Variants in RBFOX1 observed in about 807,000 individuals in gnomAD.
RBFOX1 encodes RNA binding fox-1 homolog 1, also known as RNA binding protein fox-1 homolog 1.
Under a neutral mutation model 57.7 loss-of-function variants are expected in RBFOX1, and 8 were observed. The ratio of observed to expected loss-of-function variants is 0.14; its 90% CI spans 0.08 to 0.25. The LOEUF (loss-of-function observed/expected upper bound fraction) is 0.25. Among genes scored for constraint, RBFOX1 ranks in the 10% least tolerant of loss-of-function variants. RBFOX1 has a pLI of 1.00. For missense variants in RBFOX1, 611 were observed against 548.5 expected (o/e 1.11, Z -1.14); for synonymous variants, 326 against 222.4 (o/e 1.47, Z -4.15).
chr16:5,787,222 A>T (rs1194107624), intron 3 of RBFOX1, among the ~76,000 whole-genome samples: 1 of 152,166 alleles, frequency 6.6e-6, no homozygotes, highest in Non-Finnish European at 1.5e-5. Context: ...TTTCACTGGG[A>T]GAAAAGGGAA....
At chr16:7,442,500 AGT>A (rs1356590917) in intron 4 of RBFOX1, among the ~76,000 whole-genome samples, 1 of 152,096 alleles carries the variant, frequency 6.6e-6, no homozygotes, top group Non-Finnish European at 1.5e-5. Flanking sequence ...GGGAGGTGAG[AGT>A]GAATAAAAAT....
intron 3 of RBFOX1, among the ~76,000 whole-genome samples, chr16:6,943,994 T>C (rs2079020838): frequency 6.6e-6 from 1 of 152,162 alleles, no homozygotes; most frequent in African/African-American, 2.4e-5. Flanking sequence ...AACTGTTCAT[T>C]GCTCAAACTC....
chr16:7,138,756 C>G (rs947012970), intron 4 of RBFOX1, among the ~76,000 whole-genome samples: 2 of 152,136 alleles, frequency 1.3e-5, no homozygotes, highest in African/African-American at 4.8e-5. Flanking sequence ...GAATATTTCA[C>G]TAAAACAAGG....
chr16:5,286,301 G>A (rs1253902745), intron 1 of RBFOX1, among the ~76,000 whole-genome samples: 1 of 152,132 alleles, frequency 6.6e-6, no homozygotes, highest in African/African-American at 2.4e-5. Context: ...AGGTGGGCAG[G>A]TGCACCATTG....
intron 3 of RBFOX1, among the ~76,000 whole-genome samples, chr16:5,783,677 T>A (rs1228414818): frequency 6.6e-6 from 1 of 152,232 alleles, no homozygotes; most frequent in Admixed American, 6.5e-5. Flanking sequence ...TTCCCTTGTT[T>A]CCATGGAATG....
chr16:5,902,480 C>G (rs542233223), intron 4 of RBFOX1, among the ~76,000 whole-genome samples: 128 of 152,236 alleles, frequency 8.4e-4, no homozygotes, highest in Non-Finnish European at 1.3e-3. Flanking sequence ...GTGATGCCAT[C>G]TTGGCTTACT....
chr16:6,760,676 C>G (rs533744096), intron 3 of RBFOX1, among the ~76,000 whole-genome samples: 6 of 152,270 alleles, frequency 3.9e-5, no homozygotes, highest in African/African-American at 1.4e-4. Context: ...TCCAATCTTT[C>G]CCTTTCTCTG....
intron 1 of RBFOX1, among the ~76,000 whole-genome samples, chr16:5,339,470 G>GTTTTTT (rs560472298): frequency 0.089 from 3,629 of 40,790 alleles, 1,158 homozygotes; most frequent in Non-Finnish European, 0.13. Context: ...CTTTTTCCGT[G>GTTTTTT]TTTTTTTTTT....
chr16:5,378,880 G>T (rs2066058947), intron 1 of RBFOX1, among the ~76,000 whole-genome samples: 1 of 151,542 alleles, frequency 6.6e-6, no homozygotes, highest in Admixed American at 6.6e-5. Context: ...GGATTAGGCA[G>T]AGTAGACTGT....
chr16:6,406,509 T>G (rs1027350087), intron 2 of RBFOX1, among the ~76,000 whole-genome samples: 1 of 152,200 alleles, frequency 6.6e-6, no homozygotes, highest in Non-Finnish European at 1.5e-5. Flanking sequence ...ATAATACCTT[T>G]AGGGTTATTT....
In RBFOX1 at chr16:5,424,984, T is replaced by TTTCTTTCTTTC. The variant is rs200482050; in HGVS notation, c.220-42230_220-42229insCTTTCTTTCTT. Among the ~76,000 whole-genome samples, 39 of 68,958 alleles carry TTTCTTTCTTTC rather than the reference T, an allele frequency of 5.7e-4. 3 individuals are homozygous for TTTCTTTCTTTC. Among genetic ancestry groups the TTTCTTTCTTTC allele is most frequent in the African/African-American group, 2.4e-3 (38 of 15,592 alleles). 45.2% of individuals were successfully genotyped at this position (68,958 alleles called of 152,430 possible). ...TCTTTCTCTTTCTTTCTTTCTTTTC[T>TTTCTTTCTTTC]TTTCTTTTCTTTTCTTTTCTTTTCT... On this transcript the variant is annotated intron_variant, in intron 1 of 2. Coordinates refer to the RBFOX1 transcript ENST00000585867.
chr16:5,522,698 C>A (rs2151747538), intron 2 of RBFOX1, among the ~76,000 whole-genome samples: 1 of 152,330 alleles, frequency 6.6e-6, no homozygotes, highest in East Asian at 1.9e-4. Flanking sequence ...CTCACCCAGA[C>A]ACAACCTTCC....
chr16:5,667,618 G>A (rs1244492708), intron 3 of RBFOX1, among the ~76,000 whole-genome samples: 4 of 152,064 alleles, frequency 2.6e-5, no homozygotes, highest in Admixed American at 6.6e-5. Context: ...TTGTATATTC[G>A]GGTTGAACAA....
chr16:5,290,930 T>C (rs1168597914), intron 1 of RBFOX1, among the ~76,000 whole-genome samples: 1 of 152,066 alleles, frequency 6.6e-6, no homozygotes, highest in Non-Finnish European at 1.5e-5. Flanking sequence ...AACTCCTGGA[T>C]CTCAGGTGAT....
chr16:6,779,721 A>T (rs1156639651), intron 3 of RBFOX1, among the ~76,000 whole-genome samples: 8 of 96,500 alleles, frequency 8.3e-5, no homozygotes, highest in African/African-American at 3.0e-4. Context: ...TTATATATAT[A>T]TTTATATATT....
chr16:7,025,483 A>G (rs116702774), intron 3 of RBFOX1, among the ~76,000 whole-genome samples: 2,229 of 152,264 alleles, frequency 0.015, 59 homozygotes, highest in African/African-American at 0.051. Context: ...AGTAGGTCTC[A>G]GCCTTGTTGT....
intron 4 of RBFOX1, among the ~76,000 whole-genome samples, chr16:7,084,321 G>A (rs576622685): frequency 4.5e-4 from 68 of 152,236 alleles, no homozygotes; most frequent in Non-Finnish European, 5.6e-4. Context: ...ACTTATATGT[G>A]AGGGAGTAGT....
At chr16:6,647,132 C>T (rs956519883) in intron 2 of RBFOX1, among the ~76,000 whole-genome samples, 2 of 152,194 alleles carry the variant, frequency 1.3e-5, no homozygotes, top group African/African-American at 2.4e-5. Flanking sequence ...GTCAGTCATT[C>T]TCACTGGGTC....
chr16:6,320,638 A>G (rs1413607260), intron 2 of RBFOX1, among the ~76,000 whole-genome samples: 1 of 152,166 alleles, frequency 6.6e-6, no homozygotes, highest in African/African-American at 2.4e-5. Context: ...TGCTAAGAGA[A>G]TAGATAAGGA....
Sources: allele counts gnomAD v4.1 joint callset (sites outside exome capture counted in the v4.1 genomes callset), GRCh38; gene constraint gnomAD v4.1.1; transcripts MANE v1.5; gene names NCBI Gene and HGNC (gene_info 2026-07-23, HGNC 2026-07-21).